Variants in NPAS4 observed in about 807,000 individuals in gnomAD.
The protein encoded by NPAS4 is neuronal PAS domain-containing protein 4.
In NPAS4, 10 loss-of-function variants were observed where a neutral mutation model predicts 64.0. That is an observed-to-expected ratio of 0.16 (90% CI 0.10 to 0.26). The LOEUF is 0.26. Among genes scored for constraint, NPAS4 ranks in the 10% least tolerant of loss-of-function variants. NPAS4 has a pLI of 1.00. For synonymous variants in NPAS4, 441 were observed against 411.7 expected (o/e 1.07, Z -0.86); for missense variants, 886 against 992.6 (o/e 0.89, Z 1.44).
chr11:66,422,257 C>G lies in NPAS4; in HGVS notation c.313C>G (p.Leu105Val), dbSNP rs746157411. The G allele has an allele frequency of 1.2e-6, 2 of 1,614,064 alleles. No individual in the cohort carries two copies. Among genetic ancestry groups the G allele is most frequent in the Non-Finnish European group, 1.7e-6 (2 of 1,180,026 alleles). ...CCTGTCTGAGAGTGTGAGCGAGCAT[C>G]TGGGCCACTCCATGGTGAGTGCTAA... ...LYLSESVSEH[L>V]GHSMVDLVAQ... The change falls in exon 2 of 8, where the codon CTG (leucine) becomes GTG (valine). Residue 105 changes from leucine (L) to valine (V), a missense_variant. Transcript: ENST00000311034.
At chr11:66,420,441 T>C (rs1348572548), upstream of NPAS4, among the ~76,000 whole-genome samples, 2 of 152,224 alleles carry the variant, frequency 1.3e-5, no homozygotes, top group African/African-American at 2.4e-5. Flanking sequence ...GAATTTGTTC[T>C]CTAAAAATGG....
At chr11:66,417,641 T>G (rs1217206092), upstream of NPAS4, among the ~76,000 whole-genome samples, 1 of 152,082 alleles carries the variant, frequency 6.6e-6, no homozygotes, top group Admixed American at 6.6e-5. Flanking sequence ...GAAGCTATAT[T>G]GAGTCTGGGG....
At chr11:66,413,192 T>C in the NPAS4 span, among the ~76,000 whole-genome samples, 1 of 152,176 alleles carries the variant, frequency 6.6e-6, no homozygotes, top group African/African-American at 2.4e-5. Context: ...TCAGCGGTAA[T>C]GTCAGGGAAG....
At chr11:66,425,856 C>T in intron 7 of NPAS4, 105 bp from the exon 8 acceptor site, 1 of 853,062 alleles carries the variant, frequency 1.2e-6, no homozygotes, top group South Asian at 1.4e-5. Context: ...CATCATTGAG[C>T]CAATATCTTT....
At chr11:66,411,158 G>T in the NPAS4 span, among the ~76,000 whole-genome samples, 1 of 152,276 alleles carries the variant, frequency 6.6e-6, no homozygotes, top group African/African-American at 2.4e-5. Context: ...AGGCCCACTC[G>T]GACCCCAGCA....
the NPAS4 span, among the ~76,000 whole-genome samples, chr11:66,413,791 C>T: frequency 1.3e-5 from 2 of 152,180 alleles, no homozygotes; most frequent in Non-Finnish European, 2.9e-5. Context: ...GGCAGGGTCA[C>T]CCCTCCTTTT....
chr11:66,409,236 C>A, the NPAS4 span: 3 of 143,998 alleles, frequency 2.1e-5, no homozygotes, highest in African/African-American at 7.7e-5. Context: ...CGCGCCGGGC[C>A]GGGGAGTCCC....
chr11:66,423,303 A>T, intron 5 of NPAS4, 71 bp downstream of exon 5: 2 of 1,063,506 alleles, frequency 1.9e-6, no homozygotes, highest in Non-Finnish European at 2.9e-6. Context: ...ACAAAGAATG[A>T]TCTGTAGTCA....
chr11:66,417,624 G>C (rs573134017), upstream of NPAS4, among the ~76,000 whole-genome samples: 89 of 152,066 alleles, frequency 5.9e-4, no homozygotes, highest in Non-Finnish European at 1.1e-3. Context: ...CCTCAGAGAG[G>C]GCAACAGAAG....
At chr11:66,414,009 T>C in the NPAS4 span, among the ~76,000 whole-genome samples, 3 of 152,328 alleles carry the variant, frequency 2.0e-5, no homozygotes, top group East Asian at 5.8e-4. Flanking sequence ...GCCCCTGCCC[T>C]GTGCCAGGCC....
chr11:66,424,304 C>T lies in NPAS4; in HGVS notation c.1414C>T (p.Pro472Ser), dbSNP rs150700317. 3.1e-6 allele frequency: 5 copies of T among 1,614,184 alleles called. No homozygotes were observed. The highest frequency in any genetic ancestry group is 3.4e-6 in the Non-Finnish European group (4 of 1,180,032). Residue 472 changes from proline to serine, a missense_variant, in exon 7 of 8, where the codon CCC becomes TCC. Around this residue, in one of 3 missense-constraint regions of NPAS4, gnomAD observed 820 missense variants for 855.5 expected, o/e 0.96. Coordinates refer to ENST00000311034, the MANE Select transcript of NPAS4 (RefSeq NM_178864.4). Reference sequence around the variant, plus strand: ...TGCGACCTTCTCTGATCAGTTGACGCCCAGCAGTGCAACCTTCCCAGATCC... The same window carrying T: ...TGCGACCTTCTCTGATCAGTTGACGTCCAGCAGTGCAACCTTCCCAGATCC... ...STATFSDQLT[P>S]SSATFPDPLT...
rs777027579 is a variant in NPAS4 at position 66,422,842 on chromosome 11, G to T, written c.599G>T (p.Arg200Leu). ...TGTGCCCCTCTGGAGCCGAGACCCC[G>T]CCCAGGTCCTGGCCCTGGCCCTGGC... ...AFCAPLEPRP[R>L]PGPGPGPGPA... The change falls in exon 4 of 8, where the codon CGC becomes CTC. Residue 200 changes from arginine (R) to leucine (L), a missense_variant. Arg to Leu is a moderately radical substitution (Grantham distance 102). This residue lies in a region of NPAS4 where 820 missense variants were observed against 855.5 expected (regional missense o/e 0.96). Coordinates refer to ENST00000311034, the MANE Select transcript of NPAS4 (RefSeq NM_178864.4). 8.7e-6 allele frequency: 14 copies of T among 1,613,634 alleles called. No individual in the cohort carries two copies.
intron 1 of NPAS4, 84 bp downstream of exon 1, chr11:66,421,438 T>C: frequency 8.0e-7 from 1 of 1,255,400 alleles, no homozygotes; most frequent in South Asian, 1.3e-5. Flanking sequence ...GGCTGTCGCA[T>C]GTCTAGGGCA....
chr11:66,414,324 A>T, the NPAS4 span, among the ~76,000 whole-genome samples: 1 of 152,142 alleles, frequency 6.6e-6, no homozygotes, highest in African/African-American at 2.4e-5. Flanking sequence ...TTAGTTGATT[A>T]GGTTTCTTTC....
rs771923246 is a variant in NPAS4, at chr11:66,424,903, C to G, written c.2013C>G (p.Asn671Lys). 2 of 1,613,650 alleles carry G rather than the reference C, an allele frequency of 1.2e-6. No homozygotes were observed. The highest frequency in any genetic ancestry group is 2.7e-5 in the African/African-American group (2 of 74,952). ...GAGGACTGGAGCCCCTGGACTCCAA[C>G]CTGTCCCTGTCAGGGGCAGGCCCCC... ...PLGGLEPLDS[N>K]LSLSGAGPPV... The change falls in exon 7 of 8, where the codon AAC becomes AAG. Residue 671 changes from asparagine to lysine, a missense_variant. Asn to Lys is a moderately conservative substitution (Grantham distance 94, BLOSUM62 0). Transcript: ENST00000311034.
upstream of NPAS4, among the ~76,000 whole-genome samples, chr11:66,418,897 T>G (rs117080540): frequency 8.1e-3 from 1,240 of 152,254 alleles, 26 homozygotes; most frequent in East Asian, 0.097. Context: ...GTCGGCGCAG[T>G]ATTCCTTCAC....
the NPAS4 span, among the ~76,000 whole-genome samples, chr11:66,411,873 G>C: frequency 2.9e-3 from 436 of 152,318 alleles, 3 homozygotes; most frequent in African/African-American, 0.01. Context: ...CCCCCGGACT[G>C]TTCCCTGTAG....
chr11:66,415,087 A>AC, the NPAS4 span, among the ~76,000 whole-genome samples: 34 of 151,752 alleles, frequency 2.2e-4, no homozygotes, highest in East Asian at 1.9e-4. Flanking sequence ...CAGCCCTGAG[A>AC]CCCCCCTGCC....
intron 1 of NPAS4, 44 bp from the exon 2 acceptor site, chr11:66,422,076 C>T: frequency 6.3e-7 from 1 of 1,582,368 alleles, no homozygotes; most frequent in Non-Finnish European, 8.7e-7. Context: ...TCTTCTCTGC[C>T]TCCCAGTCTT....
Sources: allele counts gnomAD v4.1 joint callset (sites outside exome capture counted in the v4.1 genomes callset), GRCh38; gene constraint gnomAD v4.1.1; regional missense constraint gnomAD v4.1.1; transcripts MANE v1.5; gene names NCBI Gene and HGNC (gene_info 2026-07-23, HGNC 2026-07-21).